SOX5: variants seen among roughly 807,000 people sequenced by gnomAD.
The protein encoded by SOX5 is SRY-box transcription factor 5, also known as transcription factor SOX-5.
Under a neutral mutation model 92.0 loss-of-function variants are expected in SOX5, and 9 were observed. That is an observed-to-expected ratio of 0.10 (90% confidence interval 0.06 to 0.17). The LOEUF is 0.17. Ranked by LOEUF, SOX5 falls within the 10% of genes least tolerant of loss-of-function variation. SOX5 has a pLI of 1.00. For synonymous variants in SOX5, 344 were observed against 336.3 expected, an observed-to-expected ratio of 1.02 and a Z score of -0.25; for missense variants, 642 against 944.5, an observed-to-expected ratio of 0.68 and a Z score of 4.20.
intron 2 of SOX5, among the ~76,000 whole-genome samples, chr12:24,338,685 T>C (rs998733338): frequency 1.3e-5 from 2 of 152,122 alleles, no homozygotes; most frequent in Non-Finnish European, 2.9e-5. Flanking sequence ...TGGGAGGTAA[T>C]TGAATCGTGA....
intron 6 of SOX5, among the ~76,000 whole-genome samples, chr12:23,724,590 A>C (rs1170289279): frequency 6.6e-6 from 1 of 152,192 alleles, no homozygotes; most frequent in Non-Finnish European, 1.5e-5. Context: ...TGTAACTACT[A>C]ATCTTTAAGA....
intron 8 of SOX5, among the ~76,000 whole-genome samples, chr12:23,608,170 A>G (rs1566280081): frequency 6.7e-6 from 1 of 149,140 alleles, no homozygotes; most frequent in Non-Finnish European, 1.5e-5. Flanking sequence ...CACTCATTTC[A>G]TTAGTTTAAC....
Position 24,071,180 on chromosome 12 carries a change from T to C in SOX5, c.-2+142163A>G, listed in dbSNP as rs1941716871. On this transcript the variant is annotated intron_variant, in intron 4 of 4. Coordinates refer to the SOX5 transcript ENST00000446891. ...AATTAGTTATGCTATATTTATACCATGTAGACCATTAAATATGACCCCAAT... is the reference window on the plus strand; with the variant it reads ...AATTAGTTATGCTATATTTATACCACGTAGACCATTAAATATGACCCCAAT... Among the ~76,000 whole-genome samples, 6 of 152,224 alleles carry C rather than the reference T, an allele frequency of 3.9e-5. No individual in the cohort carries two copies. In the South Asian group the frequency reaches 1.2e-3, roughly 32 times the overall value.
chr12:23,942,542 A>C (rs946007134), intron 1 of SOX5, among the ~76,000 whole-genome samples: 1 of 151,900 alleles, frequency 6.6e-6, no homozygotes, highest in Non-Finnish European at 1.5e-5. Flanking sequence ...CTTTTCTTGA[A>C]AATGTTCCTG....
chr12:24,500,677 G>A (rs1233658072), intron 1 of SOX5, among the ~76,000 whole-genome samples: 3 of 151,938 alleles, frequency 2.0e-5, no homozygotes, highest in Non-Finnish European at 4.4e-5. Context: ...CTTTCAAAAC[G>A]CTCCATTTCT....
chr12:24,454,226 A>G (rs1942723621), intron 1 of SOX5, among the ~76,000 whole-genome samples: 1 of 152,234 alleles, frequency 6.6e-6, no homozygotes, highest in Non-Finnish European at 1.5e-5. Context: ...TGAGGAGAGA[A>G]TAGAGATTGT....
chr12:24,480,477 G>A (rs1014240658), intron 1 of SOX5, among the ~76,000 whole-genome samples: 6 of 152,014 alleles, frequency 3.9e-5, no homozygotes, highest in Non-Finnish European at 7.4e-5. Flanking sequence ...GACAACCCAC[G>A]GCCTGGGAGA....
intron 2 of SOX5, among the ~76,000 whole-genome samples, chr12:23,894,103 A>T (rs146532705): frequency 6.6e-6 from 1 of 152,278 alleles, no homozygotes; most frequent in Non-Finnish European, 1.5e-5. Flanking sequence ...TCATCTGTAA[A>T]ACAGAATTAA....
chr12:23,854,038 T>C (rs1303090970), intron 2 of SOX5, among the ~76,000 whole-genome samples: 1 of 152,132 alleles, frequency 6.6e-6, no homozygotes, highest in African/African-American at 2.4e-5. Flanking sequence ...TCGTTTTTAG[T>C]AAACTTGACT....
chr12:24,446,560 C>T (rs1313895657), intron 1 of SOX5, among the ~76,000 whole-genome samples: 1 of 152,162 alleles, frequency 6.6e-6, no homozygotes, highest in Non-Finnish European at 1.5e-5. Flanking sequence ...AAGCTTCATG[C>T]ACCAACATGG....
intron 1 of SOX5, among the ~76,000 whole-genome samples, chr12:24,496,115 C>T (rs189400778): frequency 2.4e-3 from 361 of 152,238 alleles, no homozygotes; most frequent in Non-Finnish European, 2.8e-3. Flanking sequence ...CTATACTCCC[C>T]GATCCAAAAA....
In SOX5 at chr12:23,619,175, TA is replaced by T. The variant is rs1485033942; in HGVS notation, c.1018-14643del. ...TCCTTCCCTCATAAACCTTTAAGATTAAGAAAGTATCACATACAAATATTAG... is the reference window on the plus strand; with the variant it reads ...TCCTTCCCTCATAAACCTTTAAGATTAGAAAGTATCACATACAAATATTAG... On this transcript the variant is annotated intron_variant, in intron 8 of 14. Transcript: ENST00000451604. 2.0e-5 allele frequency among the ~76,000 whole-genome samples: 3 copies of T among 152,274 alleles called. No homozygotes were observed. In the East Asian group the frequency reaches 5.8e-4, roughly 29 times the overall value.
In SOX5 at chr12:23,845,847, C is replaced by T. The variant is rs183293753; in HGVS notation, c.481+136G>A. 96 of 679,612 alleles carry T rather than the reference C, an allele frequency of 1.4e-4. No individual in the cohort carries two copies. The African/African-American group carries it at 1.5e-3, about 10-fold the overall frequency. The allele number at this position is 679,612 out of a possible 1,614,324, so 42.1% of individuals were successfully genotyped here. On this transcript the variant is annotated intron_variant, in intron 3 of 14. Coordinates refer to ENST00000451604, the MANE Select transcript of SOX5 (RefSeq NM_006940.6). ...GTGTTTCTGAAAAAAATATACCAAC[C>T]GTCTTCATAGCAATAGGTTTCCATC...
chr12:24,013,732 G>A (rs1012470173), intron 4 of SOX5, among the ~76,000 whole-genome samples: 1 of 152,158 alleles, frequency 6.6e-6, no homozygotes, highest in Non-Finnish European at 1.5e-5. Flanking sequence ...TAAGGCTGAA[G>A]TTTGAGATAT....
At chr12:23,580,462 G>A (rs948901039) in intron 9 of SOX5, among the ~76,000 whole-genome samples, 29 of 151,804 alleles carry the variant, frequency 1.9e-4, no homozygotes, top group African/African-American at 7.0e-4. Context: ...CTTTTTTTGT[G>A]CTTCTCTGAC....
At chr12:24,382,542 C>T (rs778378566) in intron 1 of SOX5, among the ~76,000 whole-genome samples, 6 of 152,126 alleles carry the variant, frequency 3.9e-5, no homozygotes, top group Non-Finnish European at 8.8e-5. Context: ...AGGTAGGAAG[C>T]CATTGGAGGT....
chr12:23,627,207 T>C (rs2077941305), intron 8 of SOX5, among the ~76,000 whole-genome samples: 1 of 152,182 alleles, frequency 6.6e-6, no homozygotes, highest in South Asian at 2.1e-4. Context: ...CTAGTAACTT[T>C]TACGGAATGG....
chr12:23,824,519 C>T (rs540776318), intron 3 of SOX5, among the ~76,000 whole-genome samples: 3 of 152,168 alleles, frequency 2.0e-5, no homozygotes, highest in South Asian at 4.1e-4. Context: ...CAGAGCCAGC[C>T]GGATCTCTCC....
chr12:24,168,303 CT>C (rs1472738410), intron 4 of SOX5, among the ~76,000 whole-genome samples: 2 of 152,190 alleles, frequency 1.3e-5, no homozygotes, highest in East Asian at 3.9e-4. Context: ...TGCTTTTCTC[CT>C]ACTAAATGTG....
Sources: allele counts gnomAD v4.1 joint callset (sites outside exome capture counted in the v4.1 genomes callset), GRCh38; gene constraint gnomAD v4.1.1; transcripts MANE v1.5; gene names NCBI Gene and HGNC (gene_info 2026-07-23, HGNC 2026-07-21).